NWD2: variants seen among roughly 807,000 people sequenced by gnomAD.
The protein encoded by NWD2 is NACHT and WD repeat domain-containing protein 2.
NWD2 carries 37 observed loss-of-function variants against 132.7 expected under a neutral mutation model. That is an observed-to-expected ratio of 0.28 (90% CI 0.21 to 0.37). NWD2 has a LOEUF of 0.37. Among genes scored for constraint, NWD2 ranks in the 10% least tolerant of loss-of-function variants. NWD2 has a pLI of 1.00. For missense variants in NWD2, 1,592 were observed against 2,122.4 expected (o/e 0.75, Z 4.91); for synonymous variants, 705 against 803.0 (o/e 0.88, Z 2.06).
intron 1 of NWD2, among the ~76,000 whole-genome samples, chr4:37,297,915 A>T (rs918033576): frequency 6.6e-6 from 1 of 152,080 alleles, no homozygotes; most frequent in Non-Finnish European, 1.5e-5. Context: ...TTTTTCCAAG[A>T]TTCTCTACCA....
intron 5 of NWD2, among the ~76,000 whole-genome samples, chr4:37,434,262 T>C (rs1323757658): frequency 6.6e-6 from 1 of 152,216 alleles, no homozygotes; most frequent in Admixed American, 6.5e-5. Context: ...TGGCCCCGGA[T>C]ATAATTGACC....
At chr4:37,379,745 G>C (rs756939597) in intron 3 of NWD2, among the ~76,000 whole-genome samples, 1 of 152,134 alleles carries the variant, frequency 6.6e-6, no homozygotes, top group African/African-American at 2.4e-5. Flanking sequence ...AATAAAAACT[G>C]CATCAAACTC....
At chr4:37,416,807 G>A (rs1361886637) in intron 3 of NWD2, among the ~76,000 whole-genome samples, 1 of 152,148 alleles carries the variant, frequency 6.6e-6, no homozygotes, top group Admixed American at 6.6e-5. Flanking sequence ...CAGCAACCCG[G>A]GTGGAATTGG....
intron 1 of NWD2, among the ~76,000 whole-genome samples, chr4:37,297,397 A>G (rs1327350127): frequency 6.6e-6 from 1 of 152,156 alleles, no homozygotes; most frequent in African/African-American, 2.4e-5. Flanking sequence ...TGAATCTGTA[A>G]ATAAGGAACC....
At chr4:37,379,937 C>T (rs1720419729) in intron 3 of NWD2, among the ~76,000 whole-genome samples, 1 of 152,134 alleles carries the variant, frequency 6.6e-6, no homozygotes, top group Admixed American at 6.5e-5. Flanking sequence ...CATATATTAG[C>T]ACTGGAAAGA....
rs1009784478 is a variant in NWD2 at position 37,439,488 on chromosome 4, G to A, written c.1296+98G>A. 3.5e-5 allele frequency: 30 copies of A among 857,272 alleles called. No individual in the cohort carries two copies. The highest frequency in any genetic ancestry group is 4.8e-5 in the Non-Finnish European group (28 of 582,766). The allele number at this position is 857,272 out of a possible 1,614,324, so 53.1% of individuals were successfully genotyped here. ...CATTTCTACTTTCTGAGTTTACTAT[G>A]TGAATTATAGTTGGTCTTTTAGGAG... On this transcript the variant is annotated intron_variant, in intron 6 of 6. Coordinates refer to ENST00000309447, the MANE Select transcript of NWD2 (RefSeq NM_001144990.2). The surrounding 1 kb of genome is among the most constrained non-coding windows in gnomAD (Gnocchi z 4.5).
At chr4:37,427,847 GTTT>G (rs5857567) in intron 3 of NWD2, among the ~76,000 whole-genome samples, 34,866 of 151,834 alleles carry the variant, frequency 0.23, 4,790 homozygotes, top group Middle Eastern at 0.3. Context: ...CCAGGGATAT[GTTT>G]ATACAGTACC....
intron 1 of NWD2, among the ~76,000 whole-genome samples, chr4:37,298,025 C>A (rs537787888): frequency 6.6e-6 from 1 of 152,018 alleles, no homozygotes; most frequent in African/African-American, 2.4e-5. Context: ...AACTGGTGGG[C>A]GTCTCAGTAA....
At chr4:37,384,411 T>A (rs1242471556) in intron 3 of NWD2, among the ~76,000 whole-genome samples, 1 of 152,222 alleles carries the variant, frequency 6.6e-6, no homozygotes, top group African/African-American at 2.4e-5. Flanking sequence ...GTTCTCTACC[T>A]CAACCCAAGA....
intron 3 of NWD2, among the ~76,000 whole-genome samples, chr4:37,407,054 G>T (rs1464630177): frequency 2.0e-5 from 3 of 151,980 alleles, no homozygotes; most frequent in African/African-American, 7.3e-5. Flanking sequence ...TGGACACAGG[G>T]AGGGGCCTGT....
chr4:37,413,354 A>G (rs772813326), intron 3 of NWD2, among the ~76,000 whole-genome samples: 4 of 152,234 alleles, frequency 2.6e-5, no homozygotes, highest in Non-Finnish European at 4.4e-5. Flanking sequence ...TATGCAGCCA[A>G]CAGACATATG....
intron 1 of NWD2, among the ~76,000 whole-genome samples, chr4:37,276,679 A>G (rs917308409): frequency 6.6e-6 from 1 of 152,146 alleles, no homozygotes; most frequent in African/African-American, 2.4e-5. Context: ...ATAAAGACAC[A>G]TGCACACGTA....
At chr4:37,360,686 C>T (rs1417260726) in intron 3 of NWD2, among the ~76,000 whole-genome samples, 4 of 152,134 alleles carry the variant, frequency 2.6e-5, no homozygotes, top group East Asian at 1.9e-4. Flanking sequence ...ACCTACTTGT[C>T]GCATTCCCTA....
At chr4:37,281,973 G>C (rs1396142820) in intron 1 of NWD2, among the ~76,000 whole-genome samples, 1 of 152,070 alleles carries the variant, frequency 6.6e-6, no homozygotes. Flanking sequence ...GATTCCCCGG[G>C]AAGAAACAGA....
chr4:37,293,971 C>G (rs535111095), intron 1 of NWD2, among the ~76,000 whole-genome samples: 1 of 151,618 alleles, frequency 6.6e-6, no homozygotes, highest in South Asian at 2.1e-4. Context: ...TAGTAAAAAG[C>G]ATAATTAAAG....
intron 1 of NWD2, among the ~76,000 whole-genome samples, chr4:37,252,952 A>G (rs531449356): frequency 4.2e-4 from 64 of 152,270 alleles, no homozygotes; most frequent in South Asian, 8.3e-4. Context: ...AAGTATGTGC[A>G]TACAGGGAAA....
At chr4:37,352,951 ATCG>A (rs1423731137) in intron 2 of NWD2, among the ~76,000 whole-genome samples, 1 of 152,144 alleles carries the variant, frequency 6.6e-6, no homozygotes, top group Admixed American at 6.6e-5. Context: ...CATAGTGTCA[ATCG>A]TCTTTACAAT....
chr4:37,398,019 CTGAG>C (rs1720833282), intron 3 of NWD2, among the ~76,000 whole-genome samples: 1 of 152,212 alleles, frequency 6.6e-6, no homozygotes, highest in Admixed American at 6.5e-5. Flanking sequence ...AACTCCGCAA[CTGAG>C]TGAGTTGCAC....
intron 1 of NWD2, among the ~76,000 whole-genome samples, chr4:37,310,428 A>C (rs1718810987): frequency 6.6e-6 from 1 of 152,218 alleles, no homozygotes; most frequent in South Asian, 2.1e-4. Flanking sequence ...AAATGTATTC[A>C]GGTGTAGAAA....
Sources: allele counts gnomAD v4.1 joint callset (sites outside exome capture counted in the v4.1 genomes callset), GRCh38; gene constraint gnomAD v4.1.1; non-coding constraint Gnocchi (gnomAD v3.1); transcripts MANE v1.5; gene names NCBI Gene and HGNC (gene_info 2026-07-23, HGNC 2026-07-21).